The following SPPL3 variants were observed in gnomAD, a reference collection of about 807,000 sequenced individuals.
SPPL3 encodes signal peptide peptidase-like 3.
A neutral mutation model predicts 42.4 loss-of-function variants in SPPL3; 5 were observed. The ratio of observed to expected loss-of-function variants is 0.12; its 90% CI spans 0.06 to 0.25. The LOEUF is 0.25. Among genes scored for constraint, SPPL3 ranks in the 10% least tolerant of loss-of-function variants. The pLI, the probability that SPPL3 is intolerant of heterozygous loss-of-function variation, is 1.00. For synonymous variants in SPPL3, 195 were observed against 181.8 expected (o/e 1.07, Z -0.58); for missense variants, 235 against 489.0 (o/e 0.48, Z 4.90).
intron 1 of SPPL3, chr12:120,901,885 A>C: frequency 1.0e-6 from 1 of 985,452 alleles, no homozygotes; most frequent in Non-Finnish European, 1.2e-6. Flanking sequence ...TACCTAGTAA[A>C]ACATTTTCAT....
At chr12:120,787,158 AAGC>A (rs1869749188) in intron 3 of SPPL3, among the ~76,000 whole-genome samples, 2 of 152,232 alleles carry the variant, frequency 1.3e-5, no homozygotes, top group African/African-American at 4.8e-5. Flanking sequence ...ATTATATAGT[AAGC>A]AACAGGAGGG....
At chr12:120,872,641 AG>A (rs1188786591) in intron 1 of SPPL3, among the ~76,000 whole-genome samples, 1 of 152,110 alleles carries the variant, frequency 6.6e-6, no homozygotes, top group Non-Finnish European at 1.5e-5. Flanking sequence ...CGGATCTCCA[AG>A]TGCTTGAGAG....
chr12:120,771,557 CTT>C (rs74918067), intron 6 of SPPL3, among the ~76,000 whole-genome samples: 8 of 151,608 alleles, frequency 5.3e-5, no homozygotes, highest in African/African-American at 1.9e-4. Flanking sequence ...ATAATTTCTT[CTT>C]TTTTTTAAAC....
At chr12:120,871,898 A>T (rs906741439) in intron 1 of SPPL3, among the ~76,000 whole-genome samples, 1 of 152,172 alleles carries the variant, frequency 6.6e-6, no homozygotes, top group Non-Finnish European at 1.5e-5. Flanking sequence ...CTTATCTGAA[A>T]TGCTTGAGAC....
chr12:120,886,808 A>C (rs566610903), intron 1 of SPPL3, among the ~76,000 whole-genome samples: 1 of 152,336 alleles, frequency 6.6e-6, no homozygotes, highest in South Asian at 2.1e-4. Flanking sequence ...AATCTAGATC[A>C]TAAGTATTTA....
At chr12:120,876,351 C>T (rs571488746) in intron 1 of SPPL3, among the ~76,000 whole-genome samples, 4 of 151,982 alleles carry the variant, frequency 2.6e-5, no homozygotes, top group African/African-American at 9.6e-5. Context: ...CAGTGGCTCA[C>T]GCCTGTAATC....
At chr12:120,790,182 GGTATGGAATTT>G (rs1201354712) in intron 3 of SPPL3, among the ~76,000 whole-genome samples, 3 of 152,106 alleles carry the variant, frequency 2.0e-5, no homozygotes, top group Non-Finnish European at 4.4e-5. Context: ...AATAACTACT[GGTATGGAATTT>G]TATATCATAC....
At chr12:120,881,746 C>T (rs943049626) in intron 1 of SPPL3, among the ~76,000 whole-genome samples, 1 of 150,604 alleles carries the variant, frequency 6.6e-6, no homozygotes. Context: ...TTCTGACACA[C>T]GCTAAATATA....
intron 3 of SPPL3, among the ~76,000 whole-genome samples, chr12:120,788,403 T>C (rs752892820): frequency 4.6e-5 from 7 of 152,178 alleles, no homozygotes; most frequent in Admixed American, 2.6e-4. Context: ...TCAAATACCC[T>C]AGGGCACCCT....
chr12:120,898,148 C>T (rs1417495557), intron 1 of SPPL3, among the ~76,000 whole-genome samples: 1 of 151,744 alleles, frequency 6.6e-6, no homozygotes, highest in African/African-American at 2.4e-5. Context: ...CTCATGTCTA[C>T]AAAAAATTAG....
intron 2 of SPPL3, among the ~76,000 whole-genome samples, chr12:120,809,919 A>G (rs1480001385): frequency 6.6e-6 from 1 of 152,244 alleles, no homozygotes; most frequent in African/African-American, 2.4e-5. Context: ...AATATGATGT[A>G]AATTTCCATA....
At chr12:120,775,597 G>A (rs192448332) in intron 6 of SPPL3, among the ~76,000 whole-genome samples, 98 of 152,310 alleles carry the variant, frequency 6.4e-4, no homozygotes, top group African/African-American at 2.2e-3. Flanking sequence ...ACTAGGCAGG[G>A]GATAGACTGT....
intron 1 of SPPL3, 115 bp downstream of exon 1, chr12:120,903,730 G>GC (rs1874058921): frequency 2.9e-4 from 81 of 283,020 alleles, no homozygotes; most frequent in Middle Eastern, 1.0e-3. Context: ...ACCCCAACCC[G>GC]CGCCCCCCCC....
chr12:120,819,842 C>T (rs994500804), intron 1 of SPPL3, among the ~76,000 whole-genome samples: 1 of 152,152 alleles, frequency 6.6e-6, no homozygotes, highest in South Asian at 2.1e-4. Flanking sequence ...AAGCTGGGTG[C>T]CTGGTGATGG....
At chr12:120,824,580 A>T (rs1456213875) in intron 1 of SPPL3, among the ~76,000 whole-genome samples, 1 of 152,174 alleles carries the variant, frequency 6.6e-6, no homozygotes, top group East Asian at 1.9e-4. Flanking sequence ...CCCAGGCCGG[A>T]GTGTAGTGGC....
At chr12:120,835,515 C>G (rs1871588478) in intron 1 of SPPL3, 1 of 152,182 alleles carries the variant, frequency 6.6e-6, no homozygotes, top group Non-Finnish European at 1.5e-5. Context: ...ACTCTTACAA[C>G]AAAACGAAGG....
At position 120,769,057 on chromosome 12, in the gene SPPL3, G is replaced by C; in HGVS notation, c.505C>G (p.Leu169Val). 1 of 1,603,504 alleles carries C rather than the reference G, an allele frequency of 6.2e-7. No homozygotes were observed. Among genetic ancestry groups the C allele is most frequent in the Non-Finnish European group, 8.5e-7 (1 of 1,175,746 alleles). ...ATGGCGACACAGAGGCCCATGGCCA[G>C]TGCTGGGGAGGAGACAGGGTACAGC... The part of the protein sequence containing the change: ...LTGHWLLMDA[L>V]AMGLCVAMIA... The change falls in exon 7 of 11, where the codon CTG becomes GTG. Residue 169 changes from leucine to valine, a missense_variant and splice_region_variant. This residue lies in a region of SPPL3 where 18 missense variants were observed against 86.9 expected (regional missense o/e 0.21). Coordinates refer to ENST00000353487, the MANE Select transcript of SPPL3 (RefSeq NM_139015.5).
At chr12:120,781,164 C>A (rs917143875) in intron 6 of SPPL3, among the ~76,000 whole-genome samples, 1 of 152,184 alleles carries the variant, frequency 6.6e-6, no homozygotes, top group Non-Finnish European at 1.5e-5. Context: ...ATAAAAAGCA[C>A]TCCATTCATC....
chr12:120,824,881 T>C (rs1016390971), intron 1 of SPPL3, among the ~76,000 whole-genome samples: 2 of 152,152 alleles, frequency 1.3e-5, no homozygotes, highest in African/African-American at 4.8e-5. Context: ...AGTAACAAAC[T>C]TCCATGCCCT....
Sources: gnomAD v4.1 joint callset for allele counts (sites outside exome capture counted in the v4.1 genomes callset) on GRCh38, gnomAD v4.1.1 for gene constraint, gnomAD v4.1.1 regional missense constraint, MANE v1.5 for transcripts, NCBI Gene and HGNC (gene_info 2026-07-23, HGNC 2026-07-21) for gene names.